Variants in MYO10 observed in about 807,000 individuals in gnomAD.
The protein encoded by MYO10 is unconventional myosin-X.
MYO10 carries 133 observed loss-of-function variants against 257.3 expected under a neutral mutation model. The ratio of observed to expected loss-of-function variants is 0.52; its 90% CI spans 0.45 to 0.60. The LOEUF is 0.60. Among genes scored for constraint, MYO10 ranks in the 20% least tolerant of loss-of-function variants. The probability of loss-of-function intolerance (pLI) is 0.00; values close to 1 mark genes in which losing one functional copy is unlikely to be tolerated. For synonymous variants in MYO10, 1,104 were observed against 1,028.6 expected (o/e 1.07, Z -1.40); for missense variants, 2,399 against 2,635.7 (o/e 0.91, Z 1.97).
intron 1 of MYO10, among the ~76,000 whole-genome samples, chr5:16,904,991 C>A (rs13176126): frequency 0.22 from 32,827 of 152,140 alleles, 3,909 homozygotes; most frequent in East Asian, 0.32. Context: ...ATTCCTCTAC[C>A]TCCTCAGAGC....
chr5:16,737,611 G>A (rs148386319), intron 19 of MYO10, among the ~76,000 whole-genome samples: 10 of 152,326 alleles, frequency 6.6e-5, no homozygotes, highest in South Asian at 6.2e-4. Context: ...TGTAGATGCC[G>A]TTTTTATTGA....
rs530911296 is a variant in MYO10, at chr5:16,891,060, A to G, written c.22-13353T>C. 2.1e-3 allele frequency among the ~76,000 whole-genome samples: 325 copies of G among 151,856 alleles called. 5 individuals are homozygous for G. Among genetic ancestry groups the G allele is most frequent in the African/African-American group, 7.2e-3 (298 of 41,156 alleles). On this transcript the variant is annotated intron_variant, in intron 1 of 40. Coordinates refer to ENST00000513610, the MANE Select transcript of MYO10 (RefSeq NM_012334.3). ...TACTTTGGGAGGCCGATACAGGCGG[A>G]TCACATGAGGTCAGGTGTTAGAGAC...
intron 33 of MYO10, among the ~76,000 whole-genome samples, chr5:16,677,416 C>CTTTTTTTTTTT (rs796474728): frequency 0.12 from 14,222 of 116,970 alleles, 1,627 homozygotes; most frequent in Non-Finnish European, 0.16. Flanking sequence ...GTAACTTGAC[C>CTTTTTTTTTTT]TTTTTTTTTT....
At chr5:16,848,618 T>C (rs1226373255) in intron 2 of MYO10, among the ~76,000 whole-genome samples, 3 of 151,980 alleles carry the variant, frequency 2.0e-5, no homozygotes, top group African/African-American at 7.3e-5. Context: ...CAAGAGTCTT[T>C]GGGAAACGCT....
intron 2 of MYO10, among the ~76,000 whole-genome samples, chr5:16,820,820 T>A (rs1306108272): frequency 6.6e-6 from 1 of 151,312 alleles, no homozygotes; most frequent in African/African-American, 2.4e-5. Flanking sequence ...TTTACATATA[T>A]GTAATATACA....
intron 9 of MYO10, among the ~76,000 whole-genome samples, chr5:16,778,836 G>GC (rs1741313614): frequency 6.6e-6 from 1 of 151,824 alleles, no homozygotes; most frequent in South Asian, 2.1e-4. Context: ...GACTATAGGC[G>GC]CCCGCCACCA....
intron 2 of MYO10, among the ~76,000 whole-genome samples, chr5:16,876,375 A>G (rs1744604230): frequency 6.6e-6 from 1 of 152,178 alleles, no homozygotes; most frequent in Admixed American, 6.5e-5. Context: ...TTTACACTAA[A>G]GAAACAAAAT....
intron 19 of MYO10, among the ~76,000 whole-genome samples, chr5:16,713,703 G>T (rs1738725464): frequency 6.6e-6 from 1 of 152,162 alleles, no homozygotes; most frequent in Admixed American, 6.6e-5. Flanking sequence ...AATCACGAGG[G>T]GGTAGATCTG....
intron 1 of MYO10, among the ~76,000 whole-genome samples, chr5:16,880,574 A>G (rs1338500933): frequency 2.0e-5 from 3 of 152,220 alleles, no homozygotes; most frequent in Non-Finnish European, 4.4e-5. Context: ...CCTCTGCTAT[A>G]AAGATGGAAA....
chr5:16,743,970 T>C (rs1269087057), intron 19 of MYO10, among the ~76,000 whole-genome samples: 1 of 152,218 alleles, frequency 6.6e-6, no homozygotes, highest in Non-Finnish European at 1.5e-5. Flanking sequence ...CAGTCTGTAG[T>C]ATATGCTCAC....
chr5:16,781,978 C>T (rs1051360115), intron 5 of MYO10, 149 bp from the exon 6 acceptor site: 22 of 979,984 alleles, frequency 2.2e-5, no homozygotes, highest in Non-Finnish European at 3.3e-5. Flanking sequence ...TCCGGAAGAG[C>T]CAGATTTTCA....
At chr5:16,670,409 AGAGGTT>A (rs1444691954) in intron 39 of MYO10, 111 bp downstream of exon 39, 18 of 878,688 alleles carry the variant, frequency 2.0e-5, no homozygotes, top group Non-Finnish European at 2.6e-5. Flanking sequence ...CTCGAATAAA[AGAGGTT>A]GAGAGAGCAA....
At chr5:16,823,467 G>GGGGGGGTTTT (rs1561003861) in intron 2 of MYO10, among the ~76,000 whole-genome samples, 2 of 3,986 alleles carry the variant, frequency 5.0e-4, no homozygotes, top group Admixed American at 1.8e-3. Flanking sequence ...GGGGAGTGGG[G>GGGGGGGTTTT]ATTTTTTTTT....
chr5:16,681,626 G>C, intron 31 of MYO10, 123 bp from the exon 32 acceptor site: 1 of 1,133,946 alleles, frequency 8.8e-7, no homozygotes, highest in Non-Finnish European at 1.2e-6. Flanking sequence ...AAAAGACCAC[G>C]AACACCCCAA....
At chr5:16,703,222 A>G in intron 22 of MYO10, 64 bp from the exon 23 acceptor site, 1 of 1,256,496 alleles carries the variant, frequency 8.0e-7, no homozygotes, top group Non-Finnish European at 1.1e-6. Context: ...TATTCAAATG[A>G]GCTCACATCA....
At chr5:16,754,487 C>G (rs1740472690) in intron 19 of MYO10, among the ~76,000 whole-genome samples, 1 of 151,464 alleles carries the variant, frequency 6.6e-6, no homozygotes, top group Non-Finnish European at 1.5e-5. Flanking sequence ...AAAAAATCAG[C>G]CACCACACAT....
At chr5:16,703,223 GCTCAC>G (rs1407398350) in intron 22 of MYO10, 65 bp from the exon 23 acceptor site, 2 of 1,253,328 alleles carry the variant, frequency 1.6e-6, no homozygotes, top group African/African-American at 3.0e-5. Flanking sequence ...ATTCAAATGA[GCTCAC>G]ATCAAGGCTA....
intron 19 of MYO10, among the ~76,000 whole-genome samples, chr5:16,715,853 C>T (rs1050648435): frequency 2.6e-5 from 4 of 151,994 alleles, no homozygotes; most frequent in Non-Finnish European, 5.9e-5. Context: ...GTCAGCAGTT[C>T]GAGACCAGCC....
chr5:16,763,973 C>A (rs368961245), intron 12 of MYO10, among the ~76,000 whole-genome samples: 2 of 151,956 alleles, frequency 1.3e-5, no homozygotes, highest in Non-Finnish European at 2.9e-5. Flanking sequence ...GGTGCAACCC[C>A]GTCTCTATTG....
Sources: gnomAD v4.1 joint callset for allele counts (sites outside exome capture counted in the v4.1 genomes callset) on GRCh38, gnomAD v4.1.1 for gene constraint, MANE v1.5 for transcripts, NCBI Gene and HGNC (gene_info 2026-07-23, HGNC 2026-07-21) for gene names.